The following LRFN2 variants were observed in gnomAD, a reference collection of about 807,000 sequenced individuals.
LRFN2 encodes leucine rich repeat and fibronectin type III domain containing 2.
A neutral mutation model predicts 37.3 loss-of-function variants in LRFN2; 18 were observed. The observed-to-expected ratio is 0.48, with a 90% CI of 0.33 to 0.72. The LOEUF (loss-of-function observed/expected upper bound fraction) is 0.72. LRFN2 is among the 30% of genes least tolerant of loss of function. The probability of loss-of-function intolerance (pLI) is 0.02; values close to 1 mark genes in which losing one functional copy is unlikely to be tolerated. For missense variants in LRFN2, 1,006 were observed against 1,060.7 expected (o/e 0.95, Z 0.72); for synonymous variants, 556 against 466.6 (o/e 1.19, Z -2.47).
At chr6:40,454,896 C>A (rs1764201363) in intron 1 of LRFN2, among the ~76,000 whole-genome samples, 1 of 152,134 alleles carries the variant, frequency 6.6e-6, no homozygotes, top group Non-Finnish European at 1.5e-5. Context: ...CTGAAAAGGA[C>A]ACATACACAC....
At chr6:40,466,338 C>T (rs1057302844) in intron 1 of LRFN2, among the ~76,000 whole-genome samples, 7 of 152,272 alleles carry the variant, frequency 4.6e-5, no homozygotes, top group African/African-American at 1.2e-4. Context: ...GGCCATCTTT[C>T]TGCAATTTTA....
chr6:40,469,389 A>G lies in LRFN2; in HGVS notation c.-18-36258T>C, dbSNP rs192364258. Among the ~76,000 whole-genome samples, 853 of 151,684 alleles carry G rather than the reference A, an allele frequency of 5.6e-3. 7 individuals carry two copies. The highest frequency in any genetic ancestry group is 0.027 in the Middle Eastern group (8 of 292). On this transcript the variant is annotated intron_variant, in intron 1 of 2. Coordinates refer to ENST00000338305, the MANE Select transcript of LRFN2 (RefSeq NM_020737.3). ...TTTGTTGCAGATGTCCCAGAAAGCG[A>G]TCCAACCATCATCTTTGGACAGGAA...
In LRFN2 at chr6:40,584,119, C is replaced by T. The variant is rs1767456918; in HGVS notation, c.-19+2822G>A. Reference sequence around the variant, plus strand: ...GAGCCTTTTAACAATCAGCTTATGTCTGATGGCATCAAACCCTCCTGGCAG... The same window carrying T: ...GAGCCTTTTAACAATCAGCTTATGTTTGATGGCATCAAACCCTCCTGGCAG... On this transcript the variant is annotated intron_variant, in intron 1 of 2. Transcript: ENST00000338305. Among the ~76,000 whole-genome samples the T allele has an allele frequency of 2.6e-5, 4 of 152,274 alleles. No homozygotes were observed. The South Asian group carries it at 8.3e-4, about 32-fold the overall frequency.
rs114477647 is a variant in LRFN2 at position 40,398,636 on chromosome 6, T to G, written c.1401-5724A>C. On this transcript the variant is annotated intron_variant, in intron 2 of 2. Coordinates refer to ENST00000338305, the MANE Select transcript of LRFN2 (RefSeq NM_020737.3). The stretch of plus-strand genomic sequence containing the variant: ...CTTTCCATCATGTAAACTACCAACA[T>G]CTCTGTTAGCAGAAAACATGAATTG... 2.8e-3 allele frequency among the ~76,000 whole-genome samples: 425 copies of G among 151,824 alleles called. 2 individuals are homozygous for G. Among genetic ancestry groups the G allele is most frequent in the African/African-American group, 9.6e-3 (399 of 41,482 alleles).
chr6:40,424,759 C>T (rs1043791929), intron 2 of LRFN2, among the ~76,000 whole-genome samples: 1 of 152,164 alleles, frequency 6.6e-6, no homozygotes, highest in Non-Finnish European at 1.5e-5. Flanking sequence ...TGGGAAACAG[C>T]CGAGTCAAAG....
intron 1 of LRFN2, among the ~76,000 whole-genome samples, chr6:40,442,560 G>A (rs900385066): frequency 1.6e-4 from 25 of 151,826 alleles, no homozygotes; most frequent in Middle Eastern, 3.4e-3. Context: ...CCCTGAGGAC[G>A]GGGCCGCGTC....
chr6:40,579,908 G>T (rs558607940), intron 1 of LRFN2, among the ~76,000 whole-genome samples: 1 of 152,296 alleles, frequency 6.6e-6, no homozygotes, highest in South Asian at 2.1e-4. Flanking sequence ...CCATCAAGTC[G>T]TGAAAGGGAT....
intron 2 of LRFN2, among the ~76,000 whole-genome samples, chr6:40,404,996 A>C (rs878903191): frequency 6.6e-6 from 1 of 152,070 alleles, no homozygotes; most frequent in Non-Finnish European, 1.5e-5. Flanking sequence ...CCCCTTCCCA[A>C]GGCTTGGCCC....
At chr6:40,415,183 C>T (rs1357767780) in intron 2 of LRFN2, among the ~76,000 whole-genome samples, 8 of 151,970 alleles carry the variant, frequency 5.3e-5, no homozygotes, top group African/African-American at 9.7e-5. Flanking sequence ...TGTGCCTCCT[C>T]GCTGATTGAG....
chr6:40,451,302 G>T (rs1434022864), intron 1 of LRFN2, among the ~76,000 whole-genome samples: 1 of 152,082 alleles, frequency 6.6e-6, no homozygotes, highest in African/African-American at 2.4e-5. Flanking sequence ...CAAGAAGTGG[G>T]GCCTCACTGA....
intron 1 of LRFN2, among the ~76,000 whole-genome samples, chr6:40,573,085 G>T (rs143113969): frequency 1.3e-5 from 2 of 152,354 alleles, no homozygotes; most frequent in East Asian, 3.9e-4. Flanking sequence ...GAAAACAAGA[G>T]TGAGAAGCAT....
At chr6:40,456,085 C>T (rs1178266656) in intron 1 of LRFN2, among the ~76,000 whole-genome samples, 1 of 152,100 alleles carries the variant, frequency 6.6e-6, no homozygotes, top group Non-Finnish European at 1.5e-5. Flanking sequence ...AGAGAAGGGG[C>T]CTCAGTTCTA....
At chr6:40,519,145 T>C (rs1382854018) in intron 1 of LRFN2, among the ~76,000 whole-genome samples, 1 of 152,206 alleles carries the variant, frequency 6.6e-6, no homozygotes, top group Non-Finnish European at 1.5e-5. Context: ...AGATTATCAG[T>C]TTTGTTCACA....
intron 2 of LRFN2, among the ~76,000 whole-genome samples, chr6:40,403,746 C>G (rs954714848): frequency 3.3e-5 from 5 of 152,194 alleles, no homozygotes; most frequent in Non-Finnish European, 7.3e-5. Flanking sequence ...AGCCTCTTCT[C>G]TGCAAGTGGT....
At chr6:40,411,495 C>G (rs868520846) in intron 2 of LRFN2, among the ~76,000 whole-genome samples, 5 of 152,184 alleles carry the variant, frequency 3.3e-5, no homozygotes, top group Admixed American at 3.3e-4. Flanking sequence ...GGTGAACACT[C>G]GAATCAGCGT....
chr6:40,457,093 C>T (rs767675737), intron 1 of LRFN2, among the ~76,000 whole-genome samples: 31 of 152,064 alleles, frequency 2.0e-4, no homozygotes, highest in Non-Finnish European at 4.3e-4. Context: ...CCTCCTCTTC[C>T]CCTATCAAAA....
chr6:40,498,469 T>A (rs1324248167), intron 1 of LRFN2, among the ~76,000 whole-genome samples: 3 of 152,180 alleles, frequency 2.0e-5, no homozygotes, highest in South Asian at 2.1e-4. Flanking sequence ...CTGCTTCCAG[T>A]CACCTGCACT....
intron 1 of LRFN2, among the ~76,000 whole-genome samples, chr6:40,539,017 T>A (rs991771972): frequency 6.6e-6 from 1 of 152,178 alleles, no homozygotes; most frequent in African/African-American, 2.4e-5. Flanking sequence ...CTGGGCTGTG[T>A]CCAGGTTCCT....
chr6:40,585,808 T>A (rs1279638632), intron 1 of LRFN2, among the ~76,000 whole-genome samples: 1 of 151,988 alleles, frequency 6.6e-6, no homozygotes. Flanking sequence ...AGGCCACAGC[T>A]GCCACCTCCC....
Sources: allele counts gnomAD v4.1 joint callset (sites outside exome capture counted in the v4.1 genomes callset), GRCh38; gene constraint gnomAD v4.1.1; transcripts MANE v1.5; gene names NCBI Gene and HGNC (gene_info 2026-07-23, HGNC 2026-07-21).